The following GRM7 variants were observed in gnomAD, a reference collection of about 807,000 sequenced individuals.
The protein encoded by GRM7 is metabotropic glutamate receptor 7.
Under a neutral mutation model 84.5 loss-of-function variants are expected in GRM7, and 35 were observed. That is an observed-to-expected ratio of 0.41 (90% CI 0.32 to 0.55). The LOEUF is 0.55. GRM7 is among the 20% of genes least tolerant of loss of function. The pLI is 0.19. For missense variants in GRM7, 1,003 were observed against 1,194.6 expected (o/e 0.84, Z 2.36); for synonymous variants, 487 against 455.1 (o/e 1.07, Z -0.89).
At chr3:7,419,821 G>C (rs575806512) in intron 5 of GRM7, among the ~76,000 whole-genome samples, 1 of 152,082 alleles carries the variant, frequency 6.6e-6, no homozygotes, top group Non-Finnish European at 1.5e-5. Context: ...TTTCTTTCGC[G>C]ATGACAGAAG....
chr3:7,737,132 A>C (rs1052611798), intron 9 of GRM7, among the ~76,000 whole-genome samples: 1 of 152,222 alleles, frequency 6.6e-6, no homozygotes, highest in African/African-American at 2.4e-5. Flanking sequence ...AGAAAAGCAA[A>C]GATAAAGTAA....
chr3:7,044,288 T>C (rs1184066802), intron 1 of GRM7, among the ~76,000 whole-genome samples: 1 of 152,170 alleles, frequency 6.6e-6, no homozygotes, highest in Non-Finnish European at 1.5e-5. Flanking sequence ...TATACACGGA[T>C]ACCTTAAGTC....
chr3:7,507,185 T>C (rs1414990247), intron 7 of GRM7, among the ~76,000 whole-genome samples: 1 of 152,276 alleles, frequency 6.6e-6, no homozygotes, highest in East Asian at 1.9e-4. Flanking sequence ...GGGGATTAAA[T>C]GGAATTTTCT....
chr3:7,622,868 T>C (rs1035559944), intron 8 of GRM7, among the ~76,000 whole-genome samples: 1 of 152,124 alleles, frequency 6.6e-6, no homozygotes, highest in Admixed American at 6.6e-5. Flanking sequence ...CCTGATGGTA[T>C]GTCATGGTGC....
chr3:7,229,897 C>T (rs1198663154), intron 2 of GRM7, among the ~76,000 whole-genome samples: 10 of 125,780 alleles, frequency 8.0e-5, no homozygotes, highest in Non-Finnish European at 1.6e-4. Flanking sequence ...TGGAGTGCAG[C>T]GGGGCGATCT....
intron 1 of GRM7, among the ~76,000 whole-genome samples, chr3:7,094,312 A>C (rs1435251682): frequency 6.6e-6 from 1 of 152,206 alleles, no homozygotes; most frequent in Non-Finnish European, 1.5e-5. Context: ...ATAATTGGCC[A>C]TAATAAATGA....
chr3:7,170,886 C>T (rs1399365557), intron 2 of GRM7, among the ~76,000 whole-genome samples: 1 of 152,170 alleles, frequency 6.6e-6, no homozygotes, highest in Non-Finnish European at 1.5e-5. Context: ...CCATTCATTT[C>T]CTCCTGGTCC....
intron 8 of GRM7, among the ~76,000 whole-genome samples, chr3:7,579,993 ACTT>A: frequency 6.6e-6 from 1 of 152,366 alleles, no homozygotes; most frequent in South Asian, 2.1e-4. Context: ...CAGAGATGCA[ACTT>A]TCTAAAAGAG....
intron 8 of GRM7, among the ~76,000 whole-genome samples, chr3:7,591,893 A>G (rs73809441): frequency 0.022 from 3,320 of 152,286 alleles, 105 homozygotes; most frequent in African/African-American, 0.07. Flanking sequence ...AAAGTTGCTT[A>G]TCAGGACCTG....
intron 2 of GRM7, among the ~76,000 whole-genome samples, chr3:7,237,472 T>C (rs1379931486): frequency 6.6e-6 from 1 of 152,144 alleles, no homozygotes; most frequent in Non-Finnish European, 1.5e-5. Flanking sequence ...GCTCGCTGAC[T>C]TCAAGCATGA....
chr3:7,384,287 C>G (rs1442819579), intron 4 of GRM7, among the ~76,000 whole-genome samples: 2 of 152,102 alleles, frequency 1.3e-5, no homozygotes, highest in African/African-American at 4.8e-5. Flanking sequence ...CCTTGACCCC[C>G]CAAAGTGCTG....
intron 7 of GRM7, among the ~76,000 whole-genome samples, chr3:7,540,075 CTA>C (rs1692786889): frequency 6.6e-6 from 1 of 152,154 alleles, no homozygotes; most frequent in African/African-American, 2.4e-5. Context: ...AAAAGACAGA[CTA>C]TAACAAGTAT....
intron 2 of GRM7, among the ~76,000 whole-genome samples, chr3:7,203,862 G>A (rs1400354952): frequency 6.6e-6 from 1 of 152,108 alleles, no homozygotes; most frequent in Non-Finnish European, 1.5e-5. Flanking sequence ...TACAAATTTA[G>A]ATATTTGATG....
At chr3:7,607,533 T>A (rs954996721) in intron 8 of GRM7, 1 of 149,608 alleles carries the variant, frequency 6.7e-6, no homozygotes, top group African/African-American at 2.4e-5. Flanking sequence ...TGGAAATATA[T>A]ATAGTTTCAT....
chr3:6,878,588 T>C (rs1166623270), intron 1 of GRM7, among the ~76,000 whole-genome samples: 1 of 150,958 alleles, frequency 6.6e-6, no homozygotes, highest in Non-Finnish European at 1.5e-5. Flanking sequence ...CTCTCAGACA[T>C]GGAAGAAAAT....
chr3:7,250,503 ATTTG>A (rs1697939028), intron 2 of GRM7, among the ~76,000 whole-genome samples: 1 of 141,268 alleles, frequency 7.1e-6, no homozygotes, highest in African/African-American at 2.6e-5. Flanking sequence ...TTTTATTTAT[ATTTG>A]TTTATTTATT....
In GRM7 at chr3:6,863,970, C is replaced by T. The variant is rs1207263645; in HGVS notation, c.519+2063C>T. Among the ~76,000 whole-genome samples, 1 of 152,068 alleles carries T rather than the reference C, an allele frequency of 6.6e-6. No homozygotes were observed. The highest frequency in any genetic ancestry group is 2.4e-5 in the African/African-American group (1 of 41,402). The stretch of plus-strand genomic sequence containing the variant: ...ATATTCCAGGGGGAGCTGATTCCTT[C>T]TCTGGTGTGTGAACCTGAGGCAACT... On this transcript the variant is annotated intron_variant, in intron 1 of 9. Transcript: ENST00000357716. This position sits in a 1 kb window ranked among gnomAD's most constrained non-coding sequence, Gnocchi z 4.8.
intron 4 of GRM7, among the ~76,000 whole-genome samples, chr3:7,346,496 C>A (rs2125085926): frequency 6.6e-6 from 1 of 152,224 alleles, no homozygotes; most frequent in East Asian, 1.9e-4. Flanking sequence ...TCCAGTGAAT[C>A]ATTTCCCTTG....
At chr3:7,609,821 A>C (rs1476721804) in intron 8 of GRM7, among the ~76,000 whole-genome samples, 1 of 152,180 alleles carries the variant, frequency 6.6e-6, no homozygotes, top group Non-Finnish European at 1.5e-5. Flanking sequence ...CAACATTAGA[A>C]ACCTACTTTG....
Sources: allele counts gnomAD v4.1 joint callset (sites outside exome capture counted in the v4.1 genomes callset), GRCh38; gene constraint gnomAD v4.1.1; non-coding constraint Gnocchi (gnomAD v3.1); transcripts MANE v1.5; gene names NCBI Gene and HGNC (gene_info 2026-07-23, HGNC 2026-07-21).